CNTN3: variants seen among roughly 807,000 people sequenced by gnomAD.
CNTN3 encodes the protein contactin-3.
In CNTN3, 60 loss-of-function variants were observed where a neutral mutation model predicts 119.1. That is an observed-to-expected ratio of 0.50 (90% CI 0.41 to 0.62). The LOEUF is 0.62. CNTN3 is among the 20% of genes least tolerant of loss of function. The pLI is 0.00. For synonymous variants in CNTN3, 450 were observed against 438.7 expected, an observed-to-expected ratio of 1.03 and a Z score of -0.32; for missense variants, 1,101 against 1,242.4, an observed-to-expected ratio of 0.89 and a Z score of 1.71.
intron 19 of CNTN3, among the ~76,000 whole-genome samples, chr3:74,287,869 C>A (rs532149228): frequency 2.0e-4 from 31 of 152,192 alleles, no homozygotes; most frequent in Admixed American, 6.5e-5. Context: ...AACCCTCACT[C>A]ACAAAAGGCT....
At chr3:74,556,966 T>C (rs1420708764) in intron 1 of CNTN3, among the ~76,000 whole-genome samples, 2 of 152,232 alleles carry the variant, frequency 1.3e-5, no homozygotes, top group African/African-American at 4.8e-5. Context: ...TCAAATCCTT[T>C]GTCCAGTTTT....
chr3:74,291,236 T>A (rs1236198963), intron 19 of CNTN3, among the ~76,000 whole-genome samples: 4 of 152,214 alleles, frequency 2.6e-5, no homozygotes, highest in East Asian at 3.9e-4. Flanking sequence ...GAACTCATCC[T>A]TTTTTATGGC....
chr3:74,499,197 A>G (rs1339534525), intron 3 of CNTN3, among the ~76,000 whole-genome samples: 1 of 151,886 alleles, frequency 6.6e-6, no homozygotes, highest in African/African-American at 2.4e-5. Context: ...CTCTTCAAAA[A>G]TCATTAAAAT....
intron 1 of CNTN3, among the ~76,000 whole-genome samples, chr3:74,566,475 T>C (rs1048029844): frequency 6.6e-6 from 1 of 152,158 alleles, no homozygotes; most frequent in African/African-American, 2.4e-5. Flanking sequence ...CCAAAGGCAA[T>C]AAGCAGAATC....
At chr3:74,396,662 C>A (rs376662846) in intron 5 of CNTN3, among the ~76,000 whole-genome samples, 1 of 146,324 alleles carries the variant, frequency 6.8e-6, no homozygotes, top group Non-Finnish European at 1.5e-5. Context: ...AGGAGAATGG[C>A]GAGAACCCGG....
At chr3:74,510,046 C>CAT (rs5850186) in intron 2 of CNTN3, among the ~76,000 whole-genome samples, 86,466 of 147,624 alleles carry the variant, frequency 0.59, 25,814 homozygotes, top group Middle Eastern at 0.64. Context: ...TATAAGTTTT[C>CAT]ATATATATAT....
intron 4 of CNTN3, among the ~76,000 whole-genome samples, chr3:74,442,945 T>G (rs1420966646): frequency 5.3e-5 from 8 of 152,346 alleles, no homozygotes; most frequent in Admixed American, 4.6e-4. Context: ...CCACAGCCCA[T>G]GTCCTTAAAC....
chr3:74,279,526 G>T (rs1701952727), intron 20 of CNTN3, among the ~76,000 whole-genome samples: 3 of 152,114 alleles, frequency 2.0e-5, no homozygotes, highest in South Asian at 4.1e-4. Context: ...TATTCTAAAT[G>T]AAGTACCTCA....
intron 11 of CNTN3, among the ~76,000 whole-genome samples, chr3:74,337,362 G>T (rs1431052828): frequency 6.6e-6 from 1 of 152,088 alleles, no homozygotes; most frequent in Non-Finnish European, 1.5e-5. Context: ...AACACAAAAA[G>T]TCTCCACCTT....
intron 5 of CNTN3, among the ~76,000 whole-genome samples, chr3:74,392,622 T>C (rs1405960438): frequency 6.6e-6 from 1 of 151,998 alleles, no homozygotes; most frequent in Admixed American, 6.5e-5. Flanking sequence ...GTTAGAGGAG[T>C]TCCCTGTCCT....
intron 13 of CNTN3, among the ~76,000 whole-genome samples, chr3:74,330,684 T>C (rs753649115): frequency 2.6e-5 from 4 of 152,056 alleles, no homozygotes; most frequent in Non-Finnish European, 5.9e-5. Context: ...GGCATTGCTG[T>C]CCTATGAGAT....
intron 1 of CNTN3, among the ~76,000 whole-genome samples, chr3:74,522,302 C>T (rs1703554814): frequency 6.6e-6 from 1 of 151,774 alleles, no homozygotes; most frequent in African/African-American, 2.4e-5. Flanking sequence ...GGCTAGAATG[C>T]CTAGGCATCA....
At chr3:74,502,800 C>A (rs1040313529) in intron 2 of CNTN3, among the ~76,000 whole-genome samples, 5 of 152,134 alleles carry the variant, frequency 3.3e-5, no homozygotes, top group Non-Finnish European at 7.4e-5. Flanking sequence ...ATACACCCTT[C>A]ATTTCCACCA....
chr3:74,504,355 A>G (rs1703215466), intron 2 of CNTN3, among the ~76,000 whole-genome samples: 1 of 152,178 alleles, frequency 6.6e-6, no homozygotes, highest in Non-Finnish European at 1.5e-5. Flanking sequence ...TCCCAAACAG[A>G]ATGAGCTCTA....
chr3:74,529,763 G>T (rs1703668443), intron 1 of CNTN3, among the ~76,000 whole-genome samples: 1 of 151,976 alleles, frequency 6.6e-6, no homozygotes, highest in East Asian at 1.9e-4. Context: ...AAAGGTAAAT[G>T]AAATGAAAAG....
At chr3:74,439,958 A>G (rs1701933813) in intron 4 of CNTN3, among the ~76,000 whole-genome samples, 1 of 152,190 alleles carries the variant, frequency 6.6e-6, no homozygotes, top group African/African-American at 2.4e-5. Flanking sequence ...TTTCTCAGCA[A>G]CTAGGAATAA....
chr3:74,406,519 A>G (rs1045739649), intron 5 of CNTN3, among the ~76,000 whole-genome samples: 9 of 152,036 alleles, frequency 5.9e-5, no homozygotes, highest in Admixed American at 5.2e-4. Flanking sequence ...TTATTTGAAA[A>G]AAATCACACT....
chr3:74,548,350 T>C (rs1173041842), intron 1 of CNTN3, among the ~76,000 whole-genome samples: 3 of 152,184 alleles, frequency 2.0e-5, no homozygotes, highest in African/African-American at 7.2e-5. Flanking sequence ...AAATAGTCTT[T>C]GTCATATCTA....
rs148882951 is a variant in CNTN3, at chr3:74,350,926, C to T, written c.1364+10964G>A. 2.4e-4 allele frequency among the ~76,000 whole-genome samples: 37 copies of T among 152,040 alleles called. 1 individual carries two copies. Among genetic ancestry groups the T allele is most frequent in the African/African-American group, 8.0e-4 (33 of 41,494 alleles). On this transcript the variant is annotated intron_variant, in intron 11 of 22. Transcript: ENST00000263665. ...CAACAGACTTTGGGGACTCCAAAAG[C>T]GGGGAGGAAAGCAGGGAGACCAGGA...
Sources: allele counts gnomAD v4.1 joint callset (sites outside exome capture counted in the v4.1 genomes callset), GRCh38; gene constraint gnomAD v4.1.1; transcripts MANE v1.5; gene names NCBI Gene and HGNC (gene_info 2026-07-23, HGNC 2026-07-21).